The following CDH3 variants were observed in gnomAD, a reference collection of about 807,000 sequenced individuals.
CDH3 encodes cadherin 3, also known as cadherin-3.
A neutral mutation model predicts 82.0 loss-of-function variants in CDH3; 54 were observed. The observed-to-expected ratio is 0.66, with a 90% CI of 0.53 to 0.83. The LOEUF (loss-of-function observed/expected upper bound fraction) is 0.83. CDH3 is among the 40% of genes least tolerant of loss of function. The pLI, the probability that CDH3 is intolerant of heterozygous loss-of-function variation, is 0.00. For missense variants in CDH3, 1,054 were observed against 1,084.6 expected (o/e 0.97, Z 0.40); for synonymous variants, 446 against 437.9 (o/e 1.02, Z -0.23).
chr16:68,652,693 G>C (rs533449028), intron 2 of CDH3, among the ~76,000 whole-genome samples: 23 of 152,258 alleles, frequency 1.5e-4, no homozygotes, highest in African/African-American at 5.5e-4. Flanking sequence ...AGCATTACCA[G>C]AGCCTTGGAT....
chr16:68,732,393 T>G (rs183255855), downstream of CDH3, among the ~76,000 whole-genome samples: 2 of 152,344 alleles, frequency 1.3e-5, no homozygotes, highest in African/African-American at 4.8e-5. Context: ...GGGACAAGAC[T>G]GCCTGAAGGA....
chr16:68,665,040 G>A (rs192924065), intron 2 of CDH3, among the ~76,000 whole-genome samples: 1 of 152,278 alleles, frequency 6.6e-6, no homozygotes, highest in East Asian at 1.9e-4. Flanking sequence ...ATTCTGAATG[G>A]CCTTCACCTT....
chr16:68,694,059 A>G (rs1458738680), intron 13 of CDH3, among the ~76,000 whole-genome samples: 1 of 152,054 alleles, frequency 6.6e-6, no homozygotes, highest in African/African-American at 2.4e-5. Context: ...GTTAGAGACC[A>G]GCTTGGCCAA....
chr16:68,679,271 T>C lies in CDH3; in HGVS notation c.691+365T>C, dbSNP rs142765322. On this transcript the variant is annotated intron_variant, in intron 6 of 15. Transcript: ENST00000264012. ...CTCACATCTAAAAATGGGAATAATA[T>C]CAACTTTGAAGAGTGGTGAAGATTA... is the stretch of plus-strand genomic sequence containing the variant. 4.4e-3 allele frequency among the ~76,000 whole-genome samples: 670 copies of C among 152,298 alleles called. 8 individuals are homozygous for C. Among genetic ancestry groups the C allele is most frequent in the African/African-American group, 0.016 (647 of 41,556 alleles).
Position 68,684,807 on chromosome 16 carries a change from G to A in CDH3, c.1407G>A (p.Lys469=). 9.9e-6 allele frequency: 16 copies of A among 1,614,184 alleles called. No individual in the cohort carries two copies. Among genetic ancestry groups the A allele is most frequent in the Non-Finnish European group, 1.4e-5 (16 of 1,180,040 alleles). Residue 469 remains lysine, a synonymous_variant, in exon 10 of 16, where the codon AAG becomes AAA. Transcript: ENST00000264012. The stretch of plus-strand genomic sequence containing the variant: ...TCTACACTGCAGAAGACCCTGACAA[G>A]GAGAATCAAAAGATCAGGTACTCAG... ...VCVYTAEDPD[K]ENQKISYRIL...
chr16:68,711,564 C>T (rs1962031850), intron 1 of CDH3, among the ~76,000 whole-genome samples: 2 of 152,168 alleles, frequency 1.3e-5, no homozygotes, highest in Admixed American at 6.5e-5. Flanking sequence ...GGTATGGTGC[C>T]GGTTTCCCAC....
chr16:68,676,482 T>C lies in CDH3; in HGVS notation c.246+12T>C. On this transcript the variant is annotated intron_variant, in intron 3 of 15. Transcript: ENST00000264012. ...GCGAGACAGTCCAGGTAAAATACCA[T>C]GTCCACCTGCAGGACAAAAGAAAGA... is the stretch of plus-strand genomic sequence containing the variant. The C allele has an allele frequency of 6.3e-7, 1 of 1,592,384 alleles. No individual in the cohort carries two copies. Among genetic ancestry groups the C allele is most frequent in the Non-Finnish European group, 8.6e-7 (1 of 1,160,084 alleles).
intron 2 of CDH3, among the ~76,000 whole-genome samples, chr16:68,726,031 C>G (rs1229744895): frequency 6.6e-6 from 1 of 152,018 alleles, no homozygotes; most frequent in African/African-American, 2.4e-5. Context: ...TGCACTCCAG[C>G]CTGACCTTGT....
intron 1 of CDH3, among the ~76,000 whole-genome samples, chr16:68,713,251 T>A (rs756189751): frequency 2.0e-5 from 3 of 152,168 alleles, no homozygotes; most frequent in Non-Finnish European, 2.9e-5. Flanking sequence ...TCTCCCCCTG[T>A]CTCTTTTGCC....
chr16:68,693,973 G>C (rs1224173589), intron 13 of CDH3, among the ~76,000 whole-genome samples: 1 of 152,000 alleles, frequency 6.6e-6, no homozygotes, highest in East Asian at 1.9e-4. Flanking sequence ...TCCAACACTG[G>C]GGCTGGGCAC....
At chr16:68,663,703 C>T (rs1290708286) in intron 2 of CDH3, among the ~76,000 whole-genome samples, 2 of 151,876 alleles carry the variant, frequency 1.3e-5, no homozygotes, top group African/African-American at 4.8e-5. Context: ...GGGTGATAGT[C>T]TGGGAAGGGA....
chr16:68,709,559 A>G (rs1255828680), intron 1 of CDH3, among the ~76,000 whole-genome samples: 1 of 152,056 alleles, frequency 6.6e-6, no homozygotes, highest in Non-Finnish European at 1.5e-5. Flanking sequence ...CCCAGGTTCA[A>G]GCGATTCTAC....
intron 2 of CDH3, 21 bp downstream of exon 2, chr16:68,645,771 C>T (rs1156701173): frequency 1.3e-6 from 2 of 1,522,894 alleles, no homozygotes; most frequent in East Asian, 2.5e-5. Context: ...CAGGGTGGAA[C>T]CGCAGGGTAG....
chr16:68,695,665 C>T (rs1036210670), intron 14 of CDH3, 112 bp from the exon 15 acceptor site: 4 of 1,264,494 alleles, frequency 3.2e-6, no homozygotes, highest in Non-Finnish European at 4.6e-6. Flanking sequence ...CTTGTAAGAC[C>T]TCCCCATGAG....
chr16:68,684,471 T>A, intron 9 of CDH3, 112 bp from the exon 10 acceptor site: 1 of 1,235,514 alleles, frequency 8.1e-7, no homozygotes, highest in African/African-American at 1.5e-5. Context: ...CTGTTGCTAG[T>A]GAGGGCCTCA....
chr16:68,647,118 A>AG (rs1960096336), intron 2 of CDH3, among the ~76,000 whole-genome samples: 2 of 152,144 alleles, frequency 1.3e-5, no homozygotes, highest in Admixed American at 6.5e-5. Flanking sequence ...ATTCTTGCGC[A>AG]GGGGTTTATT....
chr16:68,733,575 T>C, the CDH3 span, among the ~76,000 whole-genome samples: 1 of 152,128 alleles, frequency 6.6e-6, no homozygotes, highest in African/African-American at 2.4e-5. Flanking sequence ...AAATCCCGTC[T>C]CTACTAAAAT....
chr16:68,645,573 TG>T, intron 1 of CDH3, 62 bp from the exon 2 acceptor site: 1 of 1,454,566 alleles, frequency 6.9e-7, no homozygotes, highest in Non-Finnish European at 9.3e-7. Context: ...CCCTGCGGTG[TG>T]GGGAGTGCAG....
At chr16:68,647,360 T>C (rs1483282065) in intron 2 of CDH3, among the ~76,000 whole-genome samples, 1 of 150,884 alleles carries the variant, frequency 6.6e-6, no homozygotes, top group Non-Finnish European at 1.5e-5. Flanking sequence ...GCAAGAAATA[T>C]CAGATTAGCT....
Sources: gnomAD v4.1 joint callset for allele counts (sites outside exome capture counted in the v4.1 genomes callset) on GRCh38, gnomAD v4.1.1 for gene constraint, MANE v1.5 for transcripts, NCBI Gene and HGNC (gene_info 2026-07-23, HGNC 2026-07-21) for gene names.